The following PCDHGC3 variants were observed in gnomAD, a reference collection of about 807,000 sequenced individuals.
The protein encoded by PCDHGC3 is protocadherin gamma-C3.
PCDHGC3 carries 26 observed loss-of-function variants against 59.2 expected under a neutral mutation model. The observed-to-expected ratio is 0.44, with a 90% confidence interval of 0.32 to 0.61. The LOEUF (loss-of-function observed/expected upper bound fraction) is 0.61. Among genes scored for constraint, PCDHGC3 ranks in the 20% least tolerant of loss-of-function variants. PCDHGC3 has a pLI of 0.05. For missense variants in PCDHGC3, 1,080 were observed against 1,221.8 expected, an observed-to-expected ratio of 0.88 and a Z score of 1.73; for synonymous variants, 487 against 519.7, an observed-to-expected ratio of 0.94 and a Z score of 0.86.
rs1368451336 is a variant in PCDHGC3 at position 141,505,377 on chromosome 5, C to T, written c.2490-16C>T. ...CGGCCTGGGAGTCTGTGCTCACCAT[C>T]CTACTCTCTCCCCAGCTCCCAAAAT... On this transcript the variant is annotated splice_polypyrimidine_tract_variant and intron_variant, in intron 2 of 3. Transcript: ENST00000308177. The T allele has an allele frequency of 6.2e-7, 1 of 1,614,036 alleles. No individual in the cohort carries two copies. Among genetic ancestry groups the T allele is most frequent in the Non-Finnish European group, 8.5e-7 (1 of 1,179,954 alleles).
chr5:141,507,716 C>T (rs567867232), intron 3 of PCDHGC3, among the ~76,000 whole-genome samples: 1 of 152,372 alleles, frequency 6.6e-6, no homozygotes, highest in South Asian at 2.1e-4. Flanking sequence ...CCCAAACCCT[C>T]CAAGCAAGTC....
rs2099883627 is a variant in PCDHGC3, at chr5:141,511,136, G to A, written c.2768G>A (p.Gly923Asp). 4.3e-6 allele frequency: 7 copies of A among 1,614,194 alleles called. No homozygotes were observed. The East Asian group carries it at 1.6e-4, about 36-fold the overall frequency. The change falls in exon 4 of 4, where the codon GGC (glycine) becomes GAC (aspartate). Residue 923 changes from glycine (G) to aspartate (D), a missense_variant. Physicochemically the swap from Gly to Asp is moderately conservative, Grantham distance 94. Coordinates refer to ENST00000308177, the MANE Select transcript of PCDHGC3 (RefSeq NM_002588.4). ...GGCAAGGCCCCAGCAGGTGGCAATG[G>A]CAACAAGAAGAAGTCGGGCAAGAAG... Reference protein sequence around the residue: ...RDGKAPAGGNGNKKKSGKKEK... With the variant: ...RDGKAPAGGNDNKKKSGKKEK...
chr5:141,506,506 C>T (rs1279198463), intron 3 of PCDHGC3, among the ~76,000 whole-genome samples: 2 of 151,030 alleles, frequency 1.3e-5, no homozygotes. Context: ...GATTCAAATC[C>T]TGGCACCTGG....
chr5:141,489,732 C>CA lies in PCDHGC3; in HGVS notation c.2431-5073dup, dbSNP rs770971020. On this transcript the variant is annotated intron_variant, in intron 1 of 3. Transcript: ENST00000308177. This position sits in a 1 kb window ranked among gnomAD's most constrained non-coding sequence, Gnocchi z 4.5. ...GTGCCCAGGATCCGGATGTGGGCAC[C>CA]AATACTGTGAGCTTTTACACTCTAA... 4.3e-6 allele frequency: 7 copies of CA among 1,614,008 alleles called. No individual in the cohort carries two copies. Among genetic ancestry groups the CA allele is most frequent in the Non-Finnish European group, 5.9e-6 (7 of 1,180,002 alleles).
intron 2 of PCDHGC3, among the ~76,000 whole-genome samples, chr5:141,497,290 C>A (rs182104163): frequency 4.7e-4 from 72 of 152,184 alleles, no homozygotes; most frequent in Middle Eastern, 3.4e-3. Flanking sequence ...CTCTACCTAC[C>A]ACCACCCCAG....
At chr5:141,510,824 A>G (rs947400590) in intron 3 of PCDHGC3, 123 bp from the exon 4 acceptor site, 2 of 1,563,416 alleles carry the variant, frequency 1.3e-6, no homozygotes, top group Non-Finnish European at 1.7e-6. Flanking sequence ...CTATATTCCC[A>G]GTGCTCAGCG....
chr5:141,490,232 A>G lies in PCDHGC3; in HGVS notation c.2431-4575A>G. 6.2e-7 allele frequency: 1 copy of G among 1,614,216 alleles called. No homozygotes were observed. Among genetic ancestry groups the G allele is most frequent in the Non-Finnish European group, 8.5e-7 (1 of 1,180,032 alleles). ...CGTGACCAGGGACAGCCTGCCATGG[A>G]GGGCCACTGTGTGATTCAAGTGGAT... On this transcript the variant is annotated intron_variant, in intron 1 of 3. Transcript: ENST00000308177. This position sits in a 1 kb window ranked among gnomAD's most constrained non-coding sequence, Gnocchi z 5.4.
Position 141,491,858 on chromosome 5 carries a change from A to G in PCDHGC3, c.2431-2949A>G, listed in dbSNP as rs17208425. 297,575 of 1,456,446 alleles carry G rather than the reference A, an allele frequency of 0.2. 31,644 individuals are homozygous for G. The highest frequency in any genetic ancestry group is 0.33 in the Admixed American group (11,758 of 35,494). 90.2% of individuals were successfully genotyped at this position (1,456,446 alleles called of 1,614,324 possible). On this transcript the variant is annotated intron_variant, in intron 1 of 3. Transcript: ENST00000308177. This position sits in a 1 kb window ranked among gnomAD's most constrained non-coding sequence, Gnocchi z 6.9. ...TCGGGATCATTGGACCGTTTGCGCG[A>G]AACCAGAGTGGCCGATTAAGGGATG... is the stretch of plus-strand genomic sequence containing the variant.
Position 141,490,389 on chromosome 5 carries a change from T to C in PCDHGC3, c.2431-4418T>C, listed in dbSNP as rs1221410350. The C allele has an allele frequency of 6.2e-7, 1 of 1,614,174 alleles. No homozygotes were observed. Among genetic ancestry groups the C allele is most frequent in the African/African-American group, 1.3e-5 (1 of 75,040 alleles). On this transcript the variant is annotated intron_variant, in intron 1 of 3. Transcript: ENST00000308177. The surrounding 1 kb of genome is among the most constrained non-coding windows in gnomAD (Gnocchi z 5.4). The stretch of plus-strand genomic sequence containing the variant: ...GAGACCGGGACTCAGGTAGAAATGG[T>C]GAAGTGAGCCTTGATATCTCTCCGG...
chr5:141,487,671 G>A lies in PCDHGC3; in HGVS notation c.2431-7136G>A. The A allele has an allele frequency of 6.2e-7, 1 of 1,612,012 alleles. No homozygotes were observed. The highest frequency in any genetic ancestry group is 8.5e-7 in the Non-Finnish European group (1 of 1,178,932). ...GAGGGTTATTCTGATCCAGGCATAT[G>A]GCTAGGCCATGTCCTAGAGAGTACT... On this transcript the variant is annotated intron_variant, in intron 1 of 3. Transcript: ENST00000308177. This position sits in a 1 kb window ranked among gnomAD's most constrained non-coding sequence, Gnocchi z 5.0.
chr5:141,489,094 G>GAAT lies in PCDHGC3; in HGVS notation c.2431-5711_2431-5710insTAA, dbSNP rs2154581134. 5.1e-6 allele frequency: 2 copies of GAAT among 396,028 alleles called. No homozygotes were observed. Among genetic ancestry groups the GAAT allele is most frequent in the Non-Finnish European group, 9.0e-6 (2 of 221,296 alleles). 24.5% of individuals were successfully genotyped at this position (396,028 alleles called of 1,614,324 possible). Reference sequence around the variant, plus strand: ...CCCACCCCCGCCACTCGGTGACTAAGAACTGCTGCAAGCAGGCAAACCTCC... The same window carrying GAAT: ...CCCACCCCCGCCACTCGGTGACTAAGAATAACTGCTGCAAGCAGGCAAACCTCC... On this transcript the variant is annotated intron_variant, in intron 1 of 3. Coordinates refer to ENST00000308177, the MANE Select transcript of PCDHGC3 (RefSeq NM_002588.4). The surrounding 1 kb of genome is among the most constrained non-coding windows in gnomAD (Gnocchi z 4.5).
In PCDHGC3 at chr5:141,485,539, G is replaced by T; in HGVS notation, c.2430+6993G>T. 6.2e-7 allele frequency: 1 copy of T among 1,614,104 alleles called. No individual in the cohort carries two copies. Among genetic ancestry groups the T allele is most frequent in the Non-Finnish European group, 8.5e-7 (1 of 1,179,998 alleles). On this transcript the variant is annotated intron_variant, in intron 1 of 3. Coordinates refer to ENST00000308177, the MANE Select transcript of PCDHGC3 (RefSeq NM_002588.4). This position sits in a 1 kb window ranked among gnomAD's most constrained non-coding sequence, Gnocchi z 5.7. ...TGGAAATGTACCGAGCAGAGGTAGA[G>T]ATCGTAGATGTGAATGATCACGCCC...
chr5:141,478,148 C>A lies in PCDHGC3; in HGVS notation c.2032C>A (p.Pro678Thr). ...EDSPEARAEF[P>T]SGSAPREQKK... ...CTCTCCTGAAGCCCGAGCCGAGTTC[C>A]CCTCTGGCTCTGCCCCCCGGGAGCA... The change falls in exon 1 of 4, where the codon CCC becomes ACC. Residue 678 changes from proline to threonine, a missense_variant. By Grantham distance (38) the Pro-to-Thr change is conservative. Transcript: ENST00000308177. 6.2e-7 allele frequency: 1 copy of A among 1,614,066 alleles called. No individual in the cohort carries two copies. Among genetic ancestry groups the A allele is most frequent in the Non-Finnish European group, 8.5e-7 (1 of 1,180,044 alleles).
intron 1 of PCDHGC3, among the ~76,000 whole-genome samples, chr5:141,492,084 G>C (rs979755390): frequency 2.0e-5 from 3 of 152,236 alleles, no homozygotes; most frequent in African/African-American, 7.2e-5. Flanking sequence ...GCTCCGGCAC[G>C]CTTCGCCGGT....
chr5:141,508,627 C>T (rs566012494), intron 3 of PCDHGC3, among the ~76,000 whole-genome samples: 1 of 152,262 alleles, frequency 6.6e-6, no homozygotes, highest in South Asian at 2.1e-4. Flanking sequence ...GTGGGCCGAG[C>T]TTCTAGCTAC....
At chr5:141,495,286 A>T (rs1341490472) in intron 2 of PCDHGC3, among the ~76,000 whole-genome samples, 2 of 152,088 alleles carry the variant, frequency 1.3e-5, no homozygotes, top group Non-Finnish European at 2.9e-5. Context: ...GGCGGTCCGC[A>T]CTCAGCGCCT....
chr5:141,501,439 C>G (rs1245306644), intron 2 of PCDHGC3, among the ~76,000 whole-genome samples: 1 of 151,978 alleles, frequency 6.6e-6, no homozygotes, highest in Non-Finnish European at 1.5e-5. Context: ...TCCATTTCTT[C>G]CATTTTTACT....
At position 141,477,458 on chromosome 5, in the gene PCDHGC3, T is replaced by C; in HGVS notation, c.1342T>C (p.Ser448Pro). 6.2e-7 allele frequency: 1 copy of C among 1,614,126 alleles called. No homozygotes were observed. The highest frequency in any genetic ancestry group is 8.5e-7 in the Non-Finnish European group (1 of 1,180,022). ...CCTTACAATAGTGCGTGTTCAAGTG[T>C]CCGACATCAATGACAACCCTCCACA... ...SALTIVRVQV[S>P]DINDNPPQSS... is the part of the protein sequence containing the mutation. Residue 448 changes from serine (S) to proline (P), a missense_variant, in exon 1 of 4, where the codon TCC becomes CCC. By Grantham distance (74) the Ser-to-Pro change is moderately conservative (BLOSUM62 -1). Transcript: ENST00000308177. This position sits in a 1 kb window ranked among gnomAD's most constrained non-coding sequence, Gnocchi z 4.9.
Position 141,491,874 on chromosome 5 carries a change from T to G in PCDHGC3, c.2431-2933T>G, listed in dbSNP as rs1160702024. On this transcript the variant is annotated intron_variant, in intron 1 of 3. Coordinates refer to ENST00000308177, the MANE Select transcript of PCDHGC3 (RefSeq NM_002588.4). The surrounding 1 kb of genome is among the most constrained non-coding windows in gnomAD (Gnocchi z 6.9). ...GTTTGCGCGAAACCAGAGTGGCCGA[T>G]TAAGGGATGGGGCTCCGAGCACCGG... 15 of 1,451,168 alleles carry G rather than the reference T, an allele frequency of 1.0e-5. No homozygotes were observed. The highest frequency in any genetic ancestry group is 1.4e-5 in the Non-Finnish European group (15 of 1,098,162). 89.9% of individuals were successfully genotyped at this position (1,451,168 alleles called of 1,614,324 possible). A position where few individuals can be genotyped will look rare whatever the true frequency, so the allele number is the denominator to read the frequency against.
Sources: gnomAD v4.1 joint callset for allele counts (sites outside exome capture counted in the v4.1 genomes callset) on GRCh38, gnomAD v4.1.1 for gene constraint, Gnocchi (gnomAD v3.1) non-coding constraint, MANE v1.5 for transcripts, NCBI Gene and HGNC (gene_info 2026-07-23, HGNC 2026-07-21) for gene names.